The following PLEKHM2 variants were observed in gnomAD, a reference collection of about 807,000 sequenced individuals.
The protein encoded by PLEKHM2 is pleckstrin homology and RUN domain containing M2.
A neutral mutation model predicts 116.3 loss-of-function variants in PLEKHM2; 77 were observed. The observed-to-expected ratio is 0.66, with a 90% confidence interval of 0.55 to 0.80. The LOEUF is 0.80. Among genes scored for constraint, PLEKHM2 ranks in the 30% least tolerant of loss-of-function variants. The pLI is 0.00. For synonymous variants in PLEKHM2, 562 were observed against 571.0 expected (o/e 0.98, Z 0.22); for missense variants, 1,183 against 1,354.9 (o/e 0.87, Z 1.99).
At chr1:15,713,661 A>T (rs1641380802) in intron 1 of PLEKHM2, among the ~76,000 whole-genome samples, 1 of 151,334 alleles carries the variant, frequency 6.6e-6, no homozygotes, top group Non-Finnish European at 1.5e-5. Context: ...TTTGAGAAGG[A>T]GTCTTGCTCT....
At position 15,727,665 on chromosome 1, in the gene PLEKHM2, G is replaced by A. The variant is rs2068083804; in HGVS notation, c.1593G>A (p.Leu531=). The part of the protein sequence containing the change: ...TREAQELEAQ[L]SLVREGPVSE... ...AGGCTCAGGAGCTGGAGGCCCAGCTGTCCCTGGTCAGGGAGGGGCCTGTGT... is the reference window on the plus strand; with the variant it reads ...AGGCTCAGGAGCTGGAGGCCCAGCTATCCCTGGTCAGGGAGGGGCCTGTGT... The change falls in exon 9 of 20, where the codon CTG becomes CTA. Residue 531 remains leucine (L), a synonymous_variant. Transcript: ENST00000375799. This position sits in a 1 kb window ranked among gnomAD's most constrained non-coding sequence, Gnocchi z 7.5. The A allele has an allele frequency of 2.5e-6, 4 of 1,595,602 alleles. No individual in the cohort carries two copies. The highest frequency in any genetic ancestry group is 2.3e-5 in the East Asian group (1 of 44,022).
At chr1:15,699,345 C>T (rs1394755707) in intron 1 of PLEKHM2, among the ~76,000 whole-genome samples, 2 of 152,026 alleles carry the variant, frequency 1.3e-5, no homozygotes, top group Admixed American at 1.3e-4. Flanking sequence ...CTCCCCCTGC[C>T]CCCCACCTCA....
chr1:15,732,325 T>C (rs2068155886), intron 17 of PLEKHM2, 25 bp from the exon 18 acceptor site: 1 of 1,538,912 alleles, frequency 6.5e-7, no homozygotes, highest in African/African-American at 1.4e-5. Context: ...GGCCCCAGCC[T>C]GCCTCTCCCC....
At chr1:15,724,298 C>CA in intron 7 of PLEKHM2, among the ~76,000 whole-genome samples, 1 of 152,282 alleles carries the variant, frequency 6.6e-6, no homozygotes, top group South Asian at 2.1e-4. Flanking sequence ...TCCTGGCCAA[C>CA]ATGGTGAAAC....
At position 15,732,442 on chromosome 1, in the gene PLEKHM2, G is replaced by T; in HGVS notation, c.2718G>T (p.Gln906His). Residue 906 changes from glutamine (Q) to histidine (H), a missense_variant, in exon 18 of 20, where the codon CAG (glutamine) becomes CAT (histidine). Physicochemically the swap from Gln to His is conservative, Grantham distance 24. This residue lies in a region of PLEKHM2 where 594 missense variants were observed against 720.1 expected (regional missense o/e 0.82). Coordinates refer to ENST00000375799, the MANE Select transcript of PLEKHM2 (RefSeq NM_015164.4). ...DRLFTCHEDC[Q>H]TSFFRSLGTA... ...TCTTTACGTGCCATGAGGATTGCCA[G>T]ACCAGCTTCTTCCGCTCTTTGGGCA... 1 of 1,593,890 alleles carries T rather than the reference G, an allele frequency of 6.3e-7. No individual in the cohort carries two copies. The highest frequency in any genetic ancestry group is 1.1e-5 in the South Asian group (1 of 87,962).
At chr1:15,716,960 T>C (rs1557653344) in intron 3 of PLEKHM2, 144 bp downstream of exon 3, 3 of 1,012,180 alleles carry the variant, frequency 3.0e-6, no homozygotes, top group Non-Finnish European at 4.3e-6. Flanking sequence ...GGTGTTAAAA[T>C]GCCAGCACCA....
chr1:15,732,228 G>A lies in PLEKHM2; in HGVS notation c.2626-122G>A, dbSNP rs979695333. The stretch of plus-strand genomic sequence containing the variant: ...CACCCCCATCCCCGCCTCTGCTCCC[G>A]ATCCCTGGAGGGAGATCCCTGGAGG... On this transcript the variant is annotated intron_variant, in intron 17 of 19. Transcript: ENST00000375799. 4 of 997,238 alleles carry A rather than the reference G, an allele frequency of 4.0e-6. No individual in the cohort carries two copies. In the Admixed American group the frequency reaches 7.4e-5, roughly 18 times the overall value. The allele number at this position is 997,238 out of a possible 1,614,324, so 61.8% of individuals were successfully genotyped here. A position where few individuals can be genotyped will look rare whatever the true frequency, so the allele number is the denominator to read the frequency against.
chr1:15,701,204 G>A (rs776229496), intron 1 of PLEKHM2, among the ~76,000 whole-genome samples: 8 of 151,506 alleles, frequency 5.3e-5, no homozygotes, highest in Non-Finnish European at 1.2e-4. Context: ...GGCCGAGGTA[G>A]GTGGATCACC....
intron 1 of PLEKHM2, among the ~76,000 whole-genome samples, chr1:15,715,404 G>T (rs1451822674): frequency 6.6e-6 from 1 of 152,134 alleles, no homozygotes; most frequent in Non-Finnish European, 1.5e-5. Flanking sequence ...CACTTTGGGA[G>T]GCCAAAGTGG....
Position 15,728,705 on chromosome 1 carries a change from T to G in PLEKHM2, c.1958T>G (p.Val653Gly). The G allele has an allele frequency of 6.2e-7, 1 of 1,611,486 alleles. No homozygotes were observed. Reference sequence around the variant, plus strand: ...AAGCCATACCTGGTGGAAGAGGCCGTTTCTTACAATGAACTTGACTATGTG... The same window carrying G: ...AAGCCATACCTGGTGGAAGAGGCCGGTTCTTACAATGAACTTGACTATGTG... Reference protein sequence around the residue: ...TEKPYLVEEAVSYNELDYVSV... With the variant: ...TEKPYLVEEAGSYNELDYVSV... The change falls in exon 12 of 20, where the codon GTT becomes GGT. Residue 653 changes from valine (V) to glycine (G), a missense_variant. Coordinates refer to ENST00000375799, the MANE Select transcript of PLEKHM2 (RefSeq NM_015164.4). The surrounding 1 kb of genome is among the most constrained non-coding windows in gnomAD (Gnocchi z 5.9).
At chr1:15,730,411 C>T (rs988090034) in intron 14 of PLEKHM2, 121 bp from the exon 15 acceptor site, 3 of 764,958 alleles carry the variant, frequency 3.9e-6, no homozygotes, top group African/African-American at 3.5e-5. Flanking sequence ...CACTGCAGTC[C>T]AGCCTGGGCG....
intron 8 of PLEKHM2, 52 bp downstream of exon 8, chr1:15,725,597 C>A: frequency 7.8e-7 from 1 of 1,277,830 alleles, no homozygotes; most frequent in Non-Finnish European, 1.1e-6. Flanking sequence ...TCCAACCTGT[C>A]CACTCCCAGC....
chr1:15,698,549 C>CTT (rs564918055), intron 1 of PLEKHM2, among the ~76,000 whole-genome samples: 19 of 111,210 alleles, frequency 1.7e-4, no homozygotes, highest in Non-Finnish European at 2.0e-4. Flanking sequence ...TTCTTTCTTT[C>CTT]TTTTTTTTTT....
At chr1:15,704,723 G>A (rs1269662812) in intron 1 of PLEKHM2, among the ~76,000 whole-genome samples, 1 of 152,146 alleles carries the variant, frequency 6.6e-6, no homozygotes, top group Non-Finnish European at 1.5e-5. Flanking sequence ...GCGCCCATGT[G>A]CTTTCCTCAT....
At chr1:15,730,044 CCTGGGCGGGG>C (rs1415143332) in intron 14 of PLEKHM2, 115 bp downstream of exon 14, 2 of 247,614 alleles carry the variant, frequency 8.1e-6, no homozygotes, top group East Asian at 1.4e-4. Context: ...CAATCGCCTA[CCTGGGCGGGG>C]CGGGGCGGGG....
chr1:15,690,580 G>C (rs138937418), intron 1 of PLEKHM2, among the ~76,000 whole-genome samples: 1 of 152,186 alleles, frequency 6.6e-6, no homozygotes, highest in East Asian at 1.9e-4. Flanking sequence ...CGCATACGAC[G>C]CATGTGTTCA....
At chr1:15,710,227 CA>C (rs377012331) in intron 1 of PLEKHM2, among the ~76,000 whole-genome samples, 9,603 of 74,032 alleles carry the variant, frequency 0.13, 283 homozygotes, top group African/African-American at 0.15. Context: ...ACTCCATCTC[CA>C]AAAAAAAAAA....
At chr1:15,705,642 C>T (rs1308518063) in intron 1 of PLEKHM2, among the ~76,000 whole-genome samples, 5 of 152,180 alleles carry the variant, frequency 3.3e-5, no homozygotes, top group African/African-American at 9.6e-5. Context: ...TAAATCTCTG[C>T]GGCTCTGCCT....
rs906610561 is a variant in PLEKHM2, at chr1:15,731,403, G to A, written c.2465+146G>A. On this transcript the variant is annotated intron_variant, in intron 16 of 19. Transcript: ENST00000375799. ...CTGACAGGTGGCCTGGGGCTTCCAC[G>A]CTCTGAGGGCTGCAAGGAGCCCACA... 4.7e-5 allele frequency: 32 copies of A among 685,244 alleles called. No homozygotes were observed. In the East Asian group the frequency reaches 6.2e-4, roughly 13 times the overall value. 42.4% of individuals were successfully genotyped at this position (685,244 alleles called of 1,614,324 possible). A position where few individuals can be genotyped will look rare whatever the true frequency, so the allele number is the denominator to read the frequency against.
Sources: allele counts gnomAD v4.1 joint callset (sites outside exome capture counted in the v4.1 genomes callset), GRCh38; gene constraint gnomAD v4.1.1; regional missense constraint gnomAD v4.1.1; non-coding constraint Gnocchi (gnomAD v3.1); transcripts MANE v1.5; gene names NCBI Gene and HGNC (gene_info 2026-07-23, HGNC 2026-07-21).